The following AGTR1 variants were observed in gnomAD, a reference collection of about 807,000 sequenced individuals.
AGTR1 encodes the protein angiotensin II receptor type 1, also known as type-1 angiotensin II receptor.
In AGTR1, 16 loss-of-function variants were observed where a neutral mutation model predicts 19.4. That is an observed-to-expected ratio of 0.82 (90% CI 0.56 to 1.25). AGTR1 has a LOEUF of 1.25. Ranked by LOEUF, AGTR1 falls within the 50% of genes most tolerant of loss-of-function variation. AGTR1 has a pLI of 0.00. For missense variants in AGTR1, 373 were observed against 431.9 expected (o/e 0.86, Z 1.21); for synonymous variants, 153 against 154.9 (o/e 0.99, Z 0.09).
intron 1 of AGTR1, among the ~76,000 whole-genome samples, chr3:148,698,501 G>A (rs1712112242): frequency 6.6e-6 from 1 of 152,176 alleles, no homozygotes; most frequent in Non-Finnish European, 1.5e-5. Context: ...CGGGAAGCCG[G>A]TATGACTCTG....
chr3:148,722,621 C>A (rs1713711288), intron 2 of AGTR1, among the ~76,000 whole-genome samples: 1 of 152,102 alleles, frequency 6.6e-6, no homozygotes, highest in Admixed American at 6.5e-5. Flanking sequence ...AGATTCCACT[C>A]CCTTCATGCA....
chr3:148,701,960 C>T (rs1373403893), intron 1 of AGTR1, among the ~76,000 whole-genome samples: 1 of 149,608 alleles, frequency 6.7e-6, no homozygotes, highest in African/African-American at 2.5e-5. Context: ...TTGAGAAATA[C>T]ACATATGATT....
chr3:148,722,797 A>G (rs1430191606), intron 2 of AGTR1, among the ~76,000 whole-genome samples: 1 of 152,170 alleles, frequency 6.6e-6, no homozygotes, highest in African/African-American at 2.4e-5. Context: ...AAACTCATGA[A>G]ATATTATCTC....
rs1714966130 is a variant in AGTR1, at chr3:148,742,302, C to T, written c.*187C>T. 3.6e-6 allele frequency: 3 copies of T among 842,954 alleles called. No homozygotes were observed. Among genetic ancestry groups the T allele is most frequent in the Admixed American group, 3.8e-5 (2 of 52,466 alleles). The allele number at this position is 842,954 out of a possible 1,614,324, so 52.2% of individuals were successfully genotyped here. A position where few individuals can be genotyped will look rare whatever the true frequency, so the allele number is the denominator to read the frequency against. On this transcript the variant is annotated 3_prime_UTR_variant, in exon 3 of 3. Coordinates refer to ENST00000349243, the MANE Select transcript of AGTR1 (RefSeq NM_000685.5). The stretch of plus-strand genomic sequence containing the variant: ...GCTTTTCTTTCCTTTTGCAACAAGA[C>T]AAAGCAAAGCCACATTTTGCATTAG...
chr3:148,720,396 G>T (rs943219836), intron 2 of AGTR1, among the ~76,000 whole-genome samples: 1 of 152,094 alleles, frequency 6.6e-6, no homozygotes, highest in Non-Finnish European at 1.5e-5. Flanking sequence ...ATAGCATGTT[G>T]TCGACCTCAT....
intron 2 of AGTR1, among the ~76,000 whole-genome samples, chr3:148,722,813 A>C (rs1199329684): frequency 6.6e-6 from 1 of 152,160 alleles, no homozygotes; most frequent in African/African-American, 2.4e-5. Context: ...ATCTCTTCAC[A>C]TGAAATACAA....
chr3:148,699,884 T>C (rs1166480182), intron 1 of AGTR1, among the ~76,000 whole-genome samples: 1 of 152,194 alleles, frequency 6.6e-6, no homozygotes, highest in Non-Finnish European at 1.5e-5. Flanking sequence ...TTCTTTGACC[T>C]TAAACTGAAT....
In AGTR1 at chr3:148,712,016, T is replaced by C. The variant is rs569891747; in HGVS notation, c.-48+3989T>C. Among the ~76,000 whole-genome samples the C allele has an allele frequency of 3.3e-5, 5 of 152,028 alleles. No homozygotes were observed. In the South Asian group the frequency reaches 1.0e-3, roughly 32 times the overall value. On this transcript the variant is annotated intron_variant, in intron 2 of 2. Coordinates refer to ENST00000349243, the MANE Select transcript of AGTR1 (RefSeq NM_000685.5). ...ATCCTCCTGCCTCAGCCTCCCAAAATGCTAAGATTACAGGCATGAACCACT... is the reference window on the plus strand; with the variant it reads ...ATCCTCCTGCCTCAGCCTCCCAAAACGCTAAGATTACAGGCATGAACCACT...
At chr3:148,737,729 G>A (rs1046781669) in intron 2 of AGTR1, among the ~76,000 whole-genome samples, 4 of 151,996 alleles carry the variant, frequency 2.6e-5, no homozygotes, top group Non-Finnish European at 2.9e-5. Context: ...CTCCACCCTC[G>A]AGTAGGAAAA....
intron 2 of AGTR1, among the ~76,000 whole-genome samples, chr3:148,714,231 C>T (rs945557943): frequency 1.3e-5 from 2 of 152,102 alleles, no homozygotes; most frequent in African/African-American, 4.8e-5. Context: ...CCTCATAAAA[C>T]TTACATTCCA....
chr3:148,703,307 C>T (rs780916818), intron 1 of AGTR1, among the ~76,000 whole-genome samples: 1 of 152,204 alleles, frequency 6.6e-6, no homozygotes. Flanking sequence ...GTTGGAACTG[C>T]AGAATCTCAG....
chr3:148,741,236 T>C lies in AGTR1; in HGVS notation c.201T>C (p.Leu67=), dbSNP rs1292396405. The C allele has an allele frequency of 1.1e-5, 17 of 1,613,998 alleles. No individual in the cohort carries two copies. Among genetic ancestry groups the C allele is most frequent in the Non-Finnish European group, 1.4e-5 (17 of 1,180,038 alleles). Residue 67 remains leucine (L), a synonymous_variant, in exon 3 of 3, where the codon CTT becomes CTC. Transcript: ENST00000349243. ...TGAAGACTGTGGCCAGTGTTTTTCT[T>C]TTGAATTTAGCACTGGCTGACTTAT... ...MKLKTVASVF[L]LNLALADLCF... is the part of the protein sequence containing the mutation.
At chr3:148,714,187 C>T (rs1156535275) in intron 2 of AGTR1, among the ~76,000 whole-genome samples, 1 of 152,096 alleles carries the variant, frequency 6.6e-6, no homozygotes, top group Non-Finnish European at 1.5e-5. Flanking sequence ...GCATTGAGCA[C>T]AAAGTCGTGA....
chr3:148,723,162 C>A (rs1713743083), intron 2 of AGTR1, among the ~76,000 whole-genome samples: 1 of 152,094 alleles, frequency 6.6e-6, no homozygotes, highest in South Asian at 2.1e-4. Flanking sequence ...TGTTCTCTTC[C>A]TGCACTTTTT....
intron 2 of AGTR1, among the ~76,000 whole-genome samples, chr3:148,708,764 G>A (rs1016202388): frequency 6.6e-6 from 1 of 152,100 alleles, no homozygotes; most frequent in Admixed American, 6.6e-5. Context: ...TAACTAATAA[G>A]ATTTCCCCAC....
intron 2 of AGTR1, among the ~76,000 whole-genome samples, chr3:148,727,173 G>C (rs181140911): frequency 9.7e-4 from 148 of 152,326 alleles, no homozygotes; most frequent in African/African-American, 3.4e-3. Flanking sequence ...AGCTAAGTAA[G>C]TGAAACTCTG....
At position 148,729,015 on chromosome 3, in the gene AGTR1, A is replaced by AGAG. The variant is rs386398201; in HGVS notation, c.-47-11973_-47-11971dup. Among the ~76,000 whole-genome samples, 4 of 151,766 alleles carry AGAG rather than the reference A, an allele frequency of 2.6e-5. No individual in the cohort carries two copies. In the East Asian group the frequency reaches 7.8e-4, roughly 29 times the overall value. ...TTGGAGACTTGTAACTTTGAGAACAAGAGCCTCAGCTTAGCTAGCTGGAAG... is the reference window on the plus strand; with the variant it reads ...TTGGAGACTTGTAACTTTGAGAACAAGAGGAGCCTCAGCTTAGCTAGCTGGAAG... On this transcript the variant is annotated intron_variant, in intron 2 of 2. Transcript: ENST00000349243.
intron 1 of AGTR1, among the ~76,000 whole-genome samples, chr3:148,703,201 G>A (rs1345657160): frequency 6.6e-6 from 1 of 152,106 alleles, no homozygotes; most frequent in South Asian, 2.1e-4. Context: ...TCCCCCTGTT[G>A]AGACACATTG....
chr3:148,739,159 G>T (rs1669497278), intron 2 of AGTR1, among the ~76,000 whole-genome samples: 1 of 152,148 alleles, frequency 6.6e-6, no homozygotes, highest in African/African-American at 2.4e-5. Context: ...AGGAGTTCAA[G>T]AGCAGCCTGG....
Sources: allele counts gnomAD v4.1 joint callset (sites outside exome capture counted in the v4.1 genomes callset), GRCh38; gene constraint gnomAD v4.1.1; transcripts MANE v1.5; gene names NCBI Gene and HGNC (gene_info 2026-07-23, HGNC 2026-07-21).